PPP1R7: variants seen among roughly 807,000 people sequenced by gnomAD.
PPP1R7 encodes the protein protein phosphatase 1 regulatory subunit 7.
PPP1R7 carries 18 observed loss-of-function variants against 45.2 expected under a neutral mutation model. The ratio of observed to expected loss-of-function variants is 0.40; its 90% CI spans 0.28 to 0.59. The LOEUF (loss-of-function observed/expected upper bound fraction) is 0.59, where lower values mean the gene tolerates loss of function less well. Among genes scored for constraint, PPP1R7 ranks in the 20% least tolerant of loss-of-function variants. The pLI is 0.46. For missense variants in PPP1R7, 314 were observed against 455.8 expected (o/e 0.69, Z 2.83); for synonymous variants, 181 against 183.4 (o/e 0.99, Z 0.11).
intron 5 of PPP1R7, 89 bp from the exon 6 acceptor site, chr2:241,160,243 G>A: frequency 1.1e-6 from 1 of 950,332 alleles, no homozygotes; most frequent in South Asian, 1.7e-5. Context: ...GTCCCCTGAT[G>A]GGGACGCCAC....
At chr2:241,160,259 G>C in intron 5 of PPP1R7, 73 bp from the exon 6 acceptor site, 2 of 1,270,736 alleles carry the variant, frequency 1.6e-6, no homozygotes, top group Non-Finnish European at 2.1e-6. Context: ...GCCACCTTTA[G>C]TGGTTAAATT....
intron 6 of PPP1R7, 87 bp downstream of exon 6, chr2:241,160,581 T>C: frequency 8.8e-7 from 1 of 1,140,510 alleles, no homozygotes; most frequent in Non-Finnish European, 1.2e-6. Flanking sequence ...GTAGAATGCA[T>C]GGTGAGTCTG....
chr2:241,149,778 T>C, upstream of PPP1R7: 1 of 1,536,122 alleles, frequency 6.5e-7, no homozygotes, highest in South Asian at 1.2e-5. Context: ...GGCTCGTTCA[T>C]GGGCCGGGTG....
chr2:241,156,862 G>A (rs2067469707), intron 2 of PPP1R7, among the ~76,000 whole-genome samples: 1 of 152,052 alleles, frequency 6.6e-6, no homozygotes, highest in Non-Finnish European at 1.5e-5. Context: ...GTGTTTTGAG[G>A]GGTGAGTGTG....
At position 241,183,142 on chromosome 2, in the gene PPP1R7, G is replaced by A. The variant is rs528849264; in HGVS notation, c.*319G>A. On this transcript the variant is annotated 3_prime_UTR_variant, in exon 10 of 10. Coordinates refer to ENST00000234038, the MANE Select transcript of PPP1R7 (RefSeq NM_002712.3). ...GAAGGCAGTCACAGTCCCTACCTGA[G>A]TCGTGTGAAACACAGGGCCTGAGAG... is the stretch of plus-strand genomic sequence containing the variant. 15 of 407,142 alleles carry A rather than the reference G, an allele frequency of 3.7e-5. No individual in the cohort carries two copies. Among genetic ancestry groups the A allele is most frequent in the South Asian group, 3.2e-4 (15 of 46,674 alleles). 25.2% of individuals were successfully genotyped at this position (407,142 alleles called of 1,614,324 possible).
At chr2:241,151,711 T>G (rs558943804) in intron 1 of PPP1R7, among the ~76,000 whole-genome samples, 35 of 152,276 alleles carry the variant, frequency 2.3e-4, no homozygotes, top group African/African-American at 7.7e-4. Flanking sequence ...ATGACAGATA[T>G]AAAAGCCCGG....
At chr2:241,160,249 G>T in intron 5 of PPP1R7, 83 bp from the exon 6 acceptor site, 1 of 1,036,622 alleles carries the variant, frequency 9.6e-7, no homozygotes, top group Non-Finnish European at 1.3e-6. Flanking sequence ...TGATGGGGAC[G>T]CCACCTTTAG....
chr2:241,149,817 G>A, upstream of PPP1R7: 2 of 1,530,080 alleles, frequency 1.3e-6, no homozygotes, highest in Non-Finnish European at 1.7e-6. Flanking sequence ...AGGCTGCAGC[G>A]TCCGCACTGG....
chr2:241,160,897 C>T (rs13023646), intron 6 of PPP1R7, among the ~76,000 whole-genome samples: 85 of 122,782 alleles, frequency 6.9e-4, no homozygotes, highest in South Asian at 5.6e-4. Flanking sequence ...TTGGAGTGAA[C>T]TGATGTACAT....
chr2:241,155,721 C>T (rs1020155539), intron 2 of PPP1R7, among the ~76,000 whole-genome samples: 3 of 152,192 alleles, frequency 2.0e-5, no homozygotes, highest in Non-Finnish European at 2.9e-5. Flanking sequence ...TGGCACAGCC[C>T]GTTTCTGCCT....
upstream of PPP1R7, chr2:241,150,454 G>T: frequency 1.9e-6 from 3 of 1,554,056 alleles, no homozygotes; most frequent in South Asian, 1.2e-5. Context: ...TTGGCTGAGG[G>T]GTCTGAGGCG....
At chr2:241,158,283 A>G (rs535758016) in intron 3 of PPP1R7, among the ~76,000 whole-genome samples, 4 of 152,326 alleles carry the variant, frequency 2.6e-5, no homozygotes, top group South Asian at 2.1e-4. Context: ...CAATCATTTT[A>G]AGGGCCAGTT....
At chr2:241,161,506 C>T (rs958847702) in intron 6 of PPP1R7, among the ~76,000 whole-genome samples, 3 of 152,244 alleles carry the variant, frequency 2.0e-5, no homozygotes, top group African/African-American at 7.2e-5. Context: ...CTGACACACT[C>T]CCAAAGGCAG....
intron 1 of PPP1R7, 42 bp downstream of exon 1, chr2:241,150,589 C>A (rs559120290): frequency 1.9e-6 from 3 of 1,564,702 alleles, no homozygotes; most frequent in Non-Finnish European, 2.6e-6. Context: ...GCCCAGCGGG[C>A]GGGGGGAGCT....
rs1006314099 is a variant in PPP1R7 at position 241,159,130 on chromosome 2, T to C, written c.304-83T>C. The C allele has an allele frequency of 6.2e-5, 92 of 1,493,084 alleles. No homozygotes were observed. In the Admixed American group the frequency reaches 1.7e-3, roughly 27 times the overall value. 92.5% of individuals were successfully genotyped at this position (1,493,084 alleles called of 1,614,324 possible). ...ACATGTCCTTCTACCAGAAAGGCCT[T>C]TCTTGTGTCCTCCAGTATCAGCTGA... On this transcript the variant is annotated intron_variant, in intron 4 of 9. Coordinates refer to ENST00000234038, the MANE Select transcript of PPP1R7 (RefSeq NM_002712.3).
chr2:241,171,101 GAGCTGATACTGA>G (rs1559425723), intron 9 of PPP1R7, among the ~76,000 whole-genome samples: 1 of 152,176 alleles, frequency 6.6e-6, no homozygotes, highest in Non-Finnish European at 1.5e-5. Flanking sequence ...TTTGGGAAAC[GAGCTGATACTGA>G]AGCAATGTTC....
intron 1 of PPP1R7, chr2:241,151,644 A>G: frequency 2.2e-6 from 1 of 452,188 alleles, no homozygotes; most frequent in East Asian, 7.1e-5. Flanking sequence ...AGTCTTTTTA[A>G]GAAGCGCCTC....
intron 9 of PPP1R7, among the ~76,000 whole-genome samples, chr2:241,181,531 T>C (rs1260103000): frequency 6.6e-6 from 1 of 151,920 alleles, no homozygotes; most frequent in African/African-American, 2.4e-5. Flanking sequence ...CTCTGGCAGC[T>C]AGAGTGTGCC....
At chr2:241,149,731 C>T (rs780371910), upstream of PPP1R7, 10 of 1,546,772 alleles carry the variant, frequency 6.5e-6, no homozygotes, top group African/African-American at 1.2e-4. Context: ...GAGCTCGCCT[C>T]TTGGAGGCCT....
Sources: allele counts gnomAD v4.1 joint callset (sites outside exome capture counted in the v4.1 genomes callset), GRCh38; gene constraint gnomAD v4.1.1; transcripts MANE v1.5; gene names NCBI Gene and HGNC (gene_info 2026-07-23, HGNC 2026-07-21).